The following DROSHA variants were observed in gnomAD, a reference collection of about 807,000 sequenced individuals.
DROSHA encodes the protein ribonuclease 3.
A neutral mutation model predicts 181.9 loss-of-function variants in DROSHA; 56 were observed. The ratio of observed to expected loss-of-function variants is 0.31; its 90% CI spans 0.25 to 0.38. DROSHA has a LOEUF of 0.38. Among genes scored for constraint, DROSHA ranks in the 10% least tolerant of loss-of-function variants. The probability of loss-of-function intolerance (pLI) is 1.00; values close to 1 mark genes in which losing one functional copy is unlikely to be tolerated. For synonymous variants in DROSHA, 524 were observed against 591.2 expected (o/e 0.89, Z 1.65); for missense variants, 1,218 against 1,743.5 (o/e 0.70, Z 5.37).
Position 31,508,561 on chromosome 5 carries a change from G to A in DROSHA, c.1587+60C>T. Reference sequence around the variant, plus strand: ...AGGCAACATGTATCTTCTGAGCCCAGAGCAATAACCGTTATGTCTGGGTTT... The same window carrying A: ...AGGCAACATGTATCTTCTGAGCCCAAAGCAATAACCGTTATGTCTGGGTTT... On this transcript the variant is annotated intron_variant, in intron 10 of 35. Transcript: ENST00000344624. The A allele has an allele frequency of 3.1e-6, 5 of 1,607,736 alleles. No individual in the cohort carries two copies. The South Asian group carries it at 4.4e-5, about 14-fold the overall frequency.
Position 31,435,881 on chromosome 5 carries a change from A to G in DROSHA, c.2943-17T>C, listed in dbSNP as rs915882136. On this transcript the variant is annotated splice_polypyrimidine_tract_variant and intron_variant, in intron 24 of 35. Transcript: ENST00000344624. The stretch of plus-strand genomic sequence containing the variant: ...AAATGGACGCTACAAAAAAAAAAAG[A>G]AGTACATGAATAAATATGCATCACG... 1 of 1,592,086 alleles carries G rather than the reference A, an allele frequency of 6.3e-7. No homozygotes were observed. The highest frequency in any genetic ancestry group is 1.3e-5 in the African/African-American group (1 of 74,230).
chr5:31,491,698 GA>G (rs373333477), intron 13 of DROSHA, among the ~76,000 whole-genome samples: 1 of 146,472 alleles, frequency 6.8e-6, no homozygotes, highest in African/African-American at 2.5e-5. Flanking sequence ...TGTGACACTT[GA>G]AAAAAAAAAA....
At chr5:31,500,080 T>A (rs1278156753) in intron 11 of DROSHA, among the ~76,000 whole-genome samples, 17 of 152,046 alleles carry the variant, frequency 1.1e-4, no homozygotes, top group Admixed American at 1.1e-3. Context: ...AGATGGCACA[T>A]CCCTCCCAAT....
intron 15 of DROSHA, among the ~76,000 whole-genome samples, chr5:31,484,267 G>A (rs1362723601): frequency 6.6e-6 from 1 of 151,294 alleles, no homozygotes; most frequent in Non-Finnish European, 1.5e-5. Context: ...CCAGCTACTC[G>A]GGAGGCTGAG....
chr5:31,489,849 G>A (rs1303656802), intron 13 of DROSHA, among the ~76,000 whole-genome samples: 2 of 152,094 alleles, frequency 1.3e-5, no homozygotes, highest in Non-Finnish European at 2.9e-5. Context: ...ACAAAATACG[G>A]TGTAACTCAT....
At chr5:31,407,349 T>G (rs957944751) in intron 33 of DROSHA, among the ~76,000 whole-genome samples, 2 of 152,224 alleles carry the variant, frequency 1.3e-5, no homozygotes, top group Admixed American at 1.3e-4. Context: ...ATTGGGGTAA[T>G]ACACTTCAAG....
intron 10 of DROSHA, 123 bp from the exon 11 acceptor site, chr5:31,504,758 G>A (rs1737701629): frequency 2.1e-6 from 2 of 930,280 alleles, no homozygotes; most frequent in South Asian, 1.5e-5. Flanking sequence ...AGGCTGTCAC[G>A]GTTAGAAGAT....
chr5:31,406,781 G>T, intron 34 of DROSHA, 72 bp downstream of exon 34: 1 of 1,367,486 alleles, frequency 7.3e-7, no homozygotes, highest in Non-Finnish European at 1.0e-6. Context: ...GACTGAGTTT[G>T]GAGATAGCAG....
Position 31,491,411 on chromosome 5 carries a change from A to G in DROSHA, c.1842+1796T>C, listed in dbSNP as rs1752391638. Reference sequence around the variant, plus strand: ...CTTATAAAGATTGAAATGTCAAATCACAGAGCTATCACTAATTTTAAACCC... The same window carrying G: ...CTTATAAAGATTGAAATGTCAAATCGCAGAGCTATCACTAATTTTAAACCC... On this transcript the variant is annotated intron_variant, in intron 13 of 35. Coordinates refer to ENST00000344624, the MANE Select transcript of DROSHA (RefSeq NM_001382508.1). Among the ~76,000 whole-genome samples the G allele has an allele frequency of 2.0e-5, 3 of 152,252 alleles. 1 individual carries two copies. Among genetic ancestry groups the G allele is most frequent in the Admixed American group, 1.3e-4 (2 of 15,284 alleles).
intron 3 of DROSHA, 120 bp downstream of exon 3, chr5:31,530,678 G>C: frequency 2.8e-6 from 1 of 355,918 alleles, no homozygotes; most frequent in Non-Finnish European, 5.0e-6. Context: ...TCTGCCCAGT[G>C]ATTTTCTATC....
intron 23 of DROSHA, among the ~76,000 whole-genome samples, chr5:31,439,886 G>C (rs1745364655): frequency 6.6e-6 from 1 of 152,162 alleles, no homozygotes; most frequent in Non-Finnish European, 1.5e-5. Flanking sequence ...CCTGAGCAAA[G>C]ACAGCAAAGG....
In DROSHA at chr5:31,526,913, C is replaced by T. The variant is rs755905596; in HGVS notation, c.21-1G>A. ...TCCCGGGTGGAACGACATTCTGTGA[C>T]TTCATGGCAGAAAAGAAAAAGGGAA... On this transcript the variant is annotated splice_acceptor_variant, in intron 4 of 35. Transcript: ENST00000344624. LOFTEE classifies it high-confidence loss of function. The T allele has an allele frequency of 6.2e-7, 1 of 1,607,486 alleles. No individual in the cohort carries two copies.
In DROSHA at chr5:31,406,906, G is replaced by A; in HGVS notation, c.3894C>T (p.Tyr1298=). Reference sequence around the variant, plus strand: ...CTCCCTTGAAATAAACAGCCACAGTGTAGGTTCGGGCATGGGATGGGCCCA... The same window carrying A: ...CTCCCTTGAAATAAACAGCCACAGTATAGGTTCGGGCATGGGATGGGCCCA... ...QTVGPSHART[Y]TVAVYFKGER... is the part of the protein sequence containing the mutation. The change falls in exon 34 of 36, where the codon TAC becomes TAT. Residue 1298 remains tyrosine, a synonymous_variant. Transcript: ENST00000344624. 6.2e-7 allele frequency: 1 copy of A among 1,613,814 alleles called. No homozygotes were observed.
At chr5:31,459,427 A>G (rs1309879899) in intron 20 of DROSHA, among the ~76,000 whole-genome samples, 1 of 152,004 alleles carries the variant, frequency 6.6e-6, no homozygotes, top group East Asian at 1.9e-4. Flanking sequence ...AAAAAAAAAA[A>G]AAAAAAAAAT....
chr5:31,466,975 C>G (rs555169408), intron 18 of DROSHA, among the ~76,000 whole-genome samples: 2 of 152,150 alleles, frequency 1.3e-5, no homozygotes, highest in Non-Finnish European at 2.9e-5. Context: ...TGAGAGTCCA[C>G]GAGAGCCTCA....
intron 10 of DROSHA, 124 bp downstream of exon 10, chr5:31,508,497 A>C (rs1738260468): frequency 7.1e-7 from 1 of 1,407,738 alleles, no homozygotes; most frequent in Non-Finnish European, 9.7e-7. Flanking sequence ...AATAGCTCTG[A>C]AGGACAAAAC....
chr5:31,447,612 G>A (rs1005210440), intron 23 of DROSHA, among the ~76,000 whole-genome samples: 16 of 152,226 alleles, frequency 1.1e-4, no homozygotes, highest in African/African-American at 3.6e-4. Flanking sequence ...ATCTGATAAG[G>A]AATTTGTATC....
chr5:31,495,142 G>A lies in DROSHA; in HGVS notation c.1755+144C>T, dbSNP rs866362163. 142 of 871,772 alleles carry A rather than the reference G, an allele frequency of 1.6e-4. No homozygotes were observed. The Middle Eastern group carries it at 5.9e-3, about 36-fold the overall frequency. 54.0% of individuals were successfully genotyped at this position (871,772 alleles called of 1,614,324 possible). A position where few individuals can be genotyped will look rare whatever the true frequency, so the allele number is the denominator to read the frequency against. On this transcript the variant is annotated intron_variant, in intron 12 of 35. Coordinates refer to ENST00000344624, the MANE Select transcript of DROSHA (RefSeq NM_001382508.1). Reference sequence around the variant, plus strand: ...AGAGGAAGCTGAAAGAAACGTCATCGTGAGAAAGGCCAATTTGTCAACATA... The same window carrying A: ...AGAGGAAGCTGAAAGAAACGTCATCATGAGAAAGGCCAATTTGTCAACATA...
chr5:31,449,594 G>A (rs1746719003), intron 21 of DROSHA, among the ~76,000 whole-genome samples, 175 bp from the exon 22 acceptor site: 1 of 152,136 alleles, frequency 6.6e-6, no homozygotes, highest in Non-Finnish European at 1.5e-5. Flanking sequence ...TGGTGTGGTG[G>A]CACCTGACTG....
Sources: gnomAD v4.1 joint callset for allele counts (sites outside exome capture counted in the v4.1 genomes callset) on GRCh38, gnomAD v4.1.1 for gene constraint, MANE v1.5 for transcripts, NCBI Gene and HGNC (gene_info 2026-07-23, HGNC 2026-07-21) for gene names.